The following EFNA5 variants were observed in gnomAD, a reference collection of about 807,000 sequenced individuals.
EFNA5 encodes the protein ephrin A5.
In EFNA5, 5 loss-of-function variants were observed where a neutral mutation model predicts 22.9. The observed-to-expected ratio is 0.22, with a 90% CI of 0.11 to 0.46. EFNA5 has a LOEUF of 0.46. Ranked by LOEUF, EFNA5 falls within the 20% of genes least tolerant of loss-of-function variation. The pLI is 0.99. For missense variants in EFNA5, 237 were observed against 293.3 expected (o/e 0.81, Z 1.40); for synonymous variants, 113 against 112.2 (o/e 1.01, Z -0.04).
At chr5:107,553,379 A>T (rs1748340301) in intron 1 of EFNA5, among the ~76,000 whole-genome samples, 1 of 152,026 alleles carries the variant, frequency 6.6e-6, no homozygotes, top group African/African-American at 2.4e-5. Flanking sequence ...TCTCAGCCCC[A>T]CTCCACCACC....
chr5:107,584,062 G>T (rs1210757468), intron 1 of EFNA5, among the ~76,000 whole-genome samples: 2 of 152,182 alleles, frequency 1.3e-5, no homozygotes, highest in African/African-American at 4.8e-5. Flanking sequence ...CTAGGGAAAG[G>T]TCACATGTAA....
Position 107,380,940 on chromosome 5 carries a change from C to T in EFNA5, c.*315G>A, listed in dbSNP as rs1378801040. On this transcript the variant is annotated 3_prime_UTR_variant, in exon 5 of 5. Transcript: ENST00000333274. ...GGAGGTGAGTTCTTAGAGGAGAATG[C>T]ACAGGAGCTGACGAACCACTGGTGT... The T allele has an allele frequency of 2.2e-6, 1 of 453,804 alleles. No individual in the cohort carries two copies. The allele number at this position is 453,804 out of a possible 1,614,324, so 28.1% of individuals were successfully genotyped here. A position where few individuals can be genotyped will look rare whatever the true frequency, so the allele number is the denominator to read the frequency against.
At chr5:107,643,680 G>C (rs920854337) in intron 1 of EFNA5, among the ~76,000 whole-genome samples, 3 of 151,584 alleles carry the variant, frequency 2.0e-5, no homozygotes, top group African/African-American at 7.3e-5. Context: ...TTGACGAGAG[G>C]GGGAGTGAAT....
chr5:107,623,526 G>A (rs900224589), intron 1 of EFNA5, among the ~76,000 whole-genome samples: 4 of 152,062 alleles, frequency 2.6e-5, no homozygotes, highest in African/African-American at 9.7e-5. Context: ...CCATCAAAGT[G>A]TCTGAGAGCA....
intron 1 of EFNA5, among the ~76,000 whole-genome samples, chr5:107,660,130 C>T (rs910213956): frequency 2.0e-5 from 3 of 151,026 alleles, no homozygotes; most frequent in Non-Finnish European, 4.4e-5. Flanking sequence ...TAGTTCCATA[C>T]AAGACCCTTT....
At chr5:107,465,353 C>A (rs115082337) in intron 1 of EFNA5, among the ~76,000 whole-genome samples, 243 of 152,244 alleles carry the variant, frequency 1.6e-3, no homozygotes, top group Non-Finnish European at 2.9e-3. Context: ...TTTCCTAGAT[C>A]TTGTTCTGTC....
chr5:107,549,903 T>C (rs915538916), intron 1 of EFNA5, among the ~76,000 whole-genome samples: 1 of 152,210 alleles, frequency 6.6e-6, no homozygotes, highest in Non-Finnish European at 1.5e-5. Flanking sequence ...AAATAGCACC[T>C]CTCAAATGTA....
intron 1 of EFNA5, among the ~76,000 whole-genome samples, chr5:107,533,622 C>T (rs1359350666): frequency 6.6e-6 from 1 of 150,652 alleles, no homozygotes; most frequent in Non-Finnish European, 1.5e-5. Flanking sequence ...TGGGAAAAGT[C>T]CTGCTCTGCA....
At chr5:107,488,673 A>T (rs999444098) in intron 1 of EFNA5, among the ~76,000 whole-genome samples, 2 of 152,196 alleles carry the variant, frequency 1.3e-5, no homozygotes, top group Middle Eastern at 3.4e-3. Context: ...TAAAAGAAAC[A>T]TTAAGACCGA....
chr5:107,568,903 C>T (rs1019919999), intron 1 of EFNA5, among the ~76,000 whole-genome samples: 2 of 152,092 alleles, frequency 1.3e-5, no homozygotes, highest in Non-Finnish European at 2.9e-5. Context: ...AATGGTGTAT[C>T]TATAATAGGA....
chr5:107,595,595 A>T (rs1749456998), intron 1 of EFNA5, among the ~76,000 whole-genome samples: 1 of 152,246 alleles, frequency 6.6e-6, no homozygotes, highest in Non-Finnish European at 1.5e-5. Flanking sequence ...ACTCAACTTT[A>T]TAATTTTCCT....
intron 1 of EFNA5, among the ~76,000 whole-genome samples, chr5:107,633,513 A>G (rs1251500941): frequency 6.6e-6 from 1 of 152,210 alleles, no homozygotes; most frequent in Non-Finnish European, 1.5e-5. Flanking sequence ...GCGTCACATT[A>G]CTTCCGCTTT....
At chr5:107,433,224 T>C (rs1417656150) in intron 1 of EFNA5, among the ~76,000 whole-genome samples, 1 of 152,230 alleles carries the variant, frequency 6.6e-6, no homozygotes, top group African/African-American at 2.4e-5. Flanking sequence ...TACTCTATTA[T>C]GGCAAGAATA....
intron 1 of EFNA5, among the ~76,000 whole-genome samples, chr5:107,513,428 G>T (rs771316390): frequency 6.6e-6 from 1 of 152,142 alleles, no homozygotes; most frequent in African/African-American, 2.4e-5. Context: ...GTCAGGAATG[G>T]GTACTCTCCC....
In EFNA5 at chr5:107,670,865, A is replaced by G; in HGVS notation, c.-252T>C. ...TCGCACCCCCACTGGAGGGTTCAGG[A>G]GGAAAAAGGAATCACAAGATGGAGA... is the stretch of plus-strand genomic sequence containing the variant. On this transcript the variant is annotated 5_prime_UTR_variant, in exon 1 of 5. Coordinates refer to ENST00000333274, the MANE Select transcript of EFNA5 (RefSeq NM_001962.3). The G allele has an allele frequency of 2.1e-6, 1 of 484,506 alleles. No individual in the cohort carries two copies. Among genetic ancestry groups the G allele is most frequent in the Non-Finnish European group, 3.6e-6 (1 of 274,350 alleles). The allele number at this position is 484,506 out of a possible 1,614,324, so 30.0% of individuals were successfully genotyped here. A position where few individuals can be genotyped will look rare whatever the true frequency, so the allele number is the denominator to read the frequency against.
At chr5:107,402,005 G>A (rs886743996) in intron 2 of EFNA5, among the ~76,000 whole-genome samples, 28 of 152,116 alleles carry the variant, frequency 1.8e-4, no homozygotes, top group Admixed American at 1.6e-3. Context: ...GTGAGGTTTT[G>A]ACTTTATAGA....
intron 1 of EFNA5, among the ~76,000 whole-genome samples, chr5:107,649,834 T>C (rs984472645): frequency 2.6e-5 from 4 of 152,206 alleles, no homozygotes; most frequent in Admixed American, 6.6e-5. Context: ...ATCATCACAG[T>C]AACTCTATCA....
intron 1 of EFNA5, among the ~76,000 whole-genome samples, chr5:107,538,693 C>A (rs1408828951): frequency 6.6e-6 from 1 of 152,178 alleles, no homozygotes; most frequent in East Asian, 1.9e-4. Context: ...ATACAAATTT[C>A]ACCAGGAATG....
At chr5:107,582,655 A>G (rs80016961) in intron 1 of EFNA5, among the ~76,000 whole-genome samples, 3,957 of 152,248 alleles carry the variant, frequency 0.026, 153 homozygotes, top group African/African-American at 0.09. Context: ...GCTAATGTTT[A>G]AATGTTATTT....
Sources: allele counts gnomAD v4.1 joint callset (sites outside exome capture counted in the v4.1 genomes callset), GRCh38; gene constraint gnomAD v4.1.1; transcripts MANE v1.5; gene names NCBI Gene and HGNC (gene_info 2026-07-23, HGNC 2026-07-21).